Variants in NTM observed in about 807,000 individuals in gnomAD.
The protein encoded by NTM is neurotrimin.
A neutral mutation model predicts 42.1 loss-of-function variants in NTM; 13 were observed. That is an observed-to-expected ratio of 0.31 (90% confidence interval 0.20 to 0.49). NTM has a LOEUF of 0.49. NTM is among the 20% of genes least tolerant of loss of function. The pLI is 0.99. For synonymous variants in NTM, 187 were observed against 179.2 expected (o/e 1.04, Z -0.35); for missense variants, 373 against 452.8 (o/e 0.82, Z 1.60).
At chr11:131,794,964 C>T (rs2091387145) in intron 1 of NTM, 2 of 985,214 alleles carry the variant, frequency 2.0e-6, no homozygotes, top group Non-Finnish European at 2.4e-6. Context: ...GTCAGTGCCT[C>T]TCCTCACTGG....
rs141075272 is a variant in NTM at position 131,569,936 on chromosome 11, A to T, written c.82+199048A>T. Among the ~76,000 whole-genome samples, 58 of 152,326 alleles carry T rather than the reference A, an allele frequency of 3.8e-4. No individual in the cohort carries two copies. In the East Asian group the frequency reaches 8.9e-3, roughly 23 times the overall value. On this transcript the variant is annotated intron_variant, in intron 1 of 8. Transcript: ENST00000683400. ...CCTGGGCCTTCTTGACTCCAGCTGC[A>T]TGCTCACACTTTCCAGCCTCAGAAA...
intron 1 of NTM, among the ~76,000 whole-genome samples, chr11:131,690,024 A>C (rs2074453101): frequency 1.3e-5 from 2 of 152,230 alleles, no homozygotes; most frequent in African/African-American, 4.8e-5. Context: ...TCACAGGCAG[A>C]GACCCATGTT....
intron 1 of NTM, chr11:131,796,015 A>G (rs2091515830): frequency 1.0e-6 from 1 of 985,246 alleles, no homozygotes; most frequent in Non-Finnish European, 1.2e-6. Context: ...TGCAGGGGCA[A>G]TCAGCTGCCA....
intron 1 of NTM, among the ~76,000 whole-genome samples, chr11:131,614,617 T>C (rs1185004757): frequency 6.6e-6 from 1 of 152,134 alleles, no homozygotes; most frequent in East Asian, 1.9e-4. Flanking sequence ...TTTGGCCCAG[T>C]TTTCTGGGGC....
intron 4 of NTM, among the ~76,000 whole-genome samples, chr11:132,295,385 A>G (rs1268303955): frequency 2.0e-5 from 3 of 152,150 alleles, no homozygotes; most frequent in African/African-American, 7.2e-5. Flanking sequence ...AACCTGCTAT[A>G]GATATTGGAG....
chr11:132,133,479 T>C (rs1454923196), intron 2 of NTM, among the ~76,000 whole-genome samples: 1 of 152,188 alleles, frequency 6.6e-6, no homozygotes, highest in African/African-American at 2.4e-5. Flanking sequence ...GCACTTCAGT[T>C]CATCCACATC....
At chr11:131,490,985 GTC>G (rs1591816354) in intron 1 of NTM, among the ~76,000 whole-genome samples, 2 of 152,304 alleles carry the variant, frequency 1.3e-5, no homozygotes, top group East Asian at 3.9e-4. Flanking sequence ...AGACACAAGT[GTC>G]TCCCAGAAGT....
At chr11:131,695,402 C>T (rs1244648608) in intron 1 of NTM, among the ~76,000 whole-genome samples, 1 of 152,086 alleles carries the variant, frequency 6.6e-6, no homozygotes, top group African/African-American at 2.4e-5. Flanking sequence ...ACCTTCATGC[C>T]GGCACATGTT....
intron 1 of NTM, among the ~76,000 whole-genome samples, chr11:131,621,937 T>C (rs2062611402): frequency 6.6e-6 from 1 of 151,632 alleles, no homozygotes; most frequent in Non-Finnish European, 1.5e-5. Flanking sequence ...CAAAGAACCA[T>C]ATAGAATCAG....
At chr11:132,190,736 T>TA (rs35431586) in intron 3 of NTM, among the ~76,000 whole-genome samples, 54,614 of 132,486 alleles carry the variant, frequency 0.41, 11,410 homozygotes, top group Middle Eastern at 0.53. Context: ...GAATCCATCT[T>TA]AAAAAAAAAA....
intron 1 of NTM, among the ~76,000 whole-genome samples, chr11:131,657,458 C>A (rs1318994587): frequency 6.6e-6 from 1 of 152,206 alleles, no homozygotes; most frequent in East Asian, 1.9e-4. Context: ...AAAGGGCCAG[C>A]CTCTTCTTCG....
intron 3 of NTM, among the ~76,000 whole-genome samples, chr11:132,188,555 G>C (rs917791629): frequency 6.6e-6 from 1 of 152,076 alleles, no homozygotes; most frequent in South Asian, 2.1e-4. Context: ...ATCTCTTCTG[G>C]GGGTTAGCTT....
intron 1 of NTM, among the ~76,000 whole-genome samples, chr11:131,686,751 G>T (rs1458772375): frequency 2.0e-5 from 3 of 152,200 alleles, no homozygotes; most frequent in Non-Finnish European, 4.4e-5. Flanking sequence ...GCCATAACGA[G>T]GCTGGCCGAG....
At position 132,266,848 on chromosome 11, in the gene NTM, C is replaced by T. The variant is rs566725939; in HGVS notation, c.527-40841C>T. Among the ~76,000 whole-genome samples, 80 of 152,270 alleles carry T rather than the reference C, an allele frequency of 5.3e-4. No homozygotes were observed. The South Asian group carries it at 0.014, about 26-fold the overall frequency. ...AGAACAAGCACATATTGTTGAATAA[C>T]TTAGTTGACATTTGAACCAGAGAAG... On this transcript the variant is annotated intron_variant, in intron 4 of 8. Coordinates refer to ENST00000683400, the MANE Select transcript of NTM (RefSeq NM_001352005.2).
intron 3 of NTM, among the ~76,000 whole-genome samples, chr11:132,207,665 A>G (rs550230903): frequency 1.3e-5 from 2 of 152,260 alleles, no homozygotes; most frequent in South Asian, 4.1e-4. Flanking sequence ...GACTTCTTCC[A>G]TTAACAGTTG....
chr11:131,633,222 C>T (rs1044213183), intron 1 of NTM, among the ~76,000 whole-genome samples: 6 of 152,134 alleles, frequency 3.9e-5, no homozygotes, highest in African/African-American at 1.4e-4. Flanking sequence ...TCCCCCATTT[C>T]ATTTTGGAAC....
At chr11:131,560,209 T>C (rs2056044521) in intron 1 of NTM, among the ~76,000 whole-genome samples, 2 of 152,210 alleles carry the variant, frequency 1.3e-5, no homozygotes, top group Admixed American at 6.5e-5. Flanking sequence ...TCAGTCACAC[T>C]TTTTGCTTGG....
chr11:132,245,847 A>G (rs1436374804), intron 4 of NTM, among the ~76,000 whole-genome samples: 1 of 152,094 alleles, frequency 6.6e-6, no homozygotes, highest in African/African-American at 2.4e-5. Flanking sequence ...TTCAGGGTTG[A>G]AACTCCTCGG....
chr11:131,857,737 C>T (rs1565636585), intron 1 of NTM, among the ~76,000 whole-genome samples: 1 of 152,140 alleles, frequency 6.6e-6, no homozygotes, highest in Non-Finnish European at 1.5e-5. Flanking sequence ...AAGCCTTAAT[C>T]CTGGCCTATT....
Sources: allele counts gnomAD v4.1 joint callset (sites outside exome capture counted in the v4.1 genomes callset), GRCh38; gene constraint gnomAD v4.1.1; transcripts MANE v1.5; gene names NCBI Gene and HGNC (gene_info 2026-07-23, HGNC 2026-07-21).